The following DRAM1 variants were observed in gnomAD, a reference collection of about 807,000 sequenced individuals.
DRAM1 encodes the protein DNA damage-regulated autophagy modulator protein 1.
In DRAM1, 25 loss-of-function variants were observed where a neutral mutation model predicts 28.5. The observed-to-expected ratio is 0.88, with a 90% CI of 0.64 to 1.23. The LOEUF is 1.23. DRAM1 is among the 50% of genes most tolerant of loss of function. The pLI, the probability that DRAM1 is intolerant of heterozygous loss-of-function variation, is 0.00. For synonymous variants in DRAM1, 113 were observed against 114.2 expected, an observed-to-expected ratio of 0.99 and a Z score of 0.07; for missense variants, 249 against 299.2, an observed-to-expected ratio of 0.83 and a Z score of 1.24.
chr12:101,895,862 G>C (rs114289019), intron 1 of DRAM1, among the ~76,000 whole-genome samples: 2 of 151,738 alleles, frequency 1.3e-5, no homozygotes, highest in African/African-American at 2.4e-5. Context: ...GAACCACCGC[G>C]CCTGGTCGTA....
At chr12:101,916,141 A>C (rs1238774321) in intron 5 of DRAM1, among the ~76,000 whole-genome samples, 1 of 152,218 alleles carries the variant, frequency 6.6e-6, no homozygotes, top group Non-Finnish European at 1.5e-5. Context: ...AACAGGGATA[A>C]ATAATTTAGT....
chr12:101,899,363 T>C lies in DRAM1; in HGVS notation c.199+1433T>C, dbSNP rs555380657. Among the ~76,000 whole-genome samples the C allele has an allele frequency of 2.2e-4, 34 of 152,206 alleles. 1 individual carries two copies. The highest frequency in any genetic ancestry group is 7.2e-4 in the Admixed American group (11 of 15,276). ...TGAATAAAGCAGAAACTGACAAATA[T>C]ATTCATTTGAAATAGTCTATGTGAG... On this transcript the variant is annotated intron_variant, in intron 2 of 6. Transcript: ENST00000258534.
At chr12:101,920,257 A>C in intron 6 of DRAM1, 56 bp downstream of exon 6, 1 of 1,287,490 alleles carries the variant, frequency 7.8e-7, no homozygotes, top group Admixed American at 2.2e-5. Context: ...ATTAGTAAAA[A>C]TTTGCAGAAG....
intron 2 of DRAM1, among the ~76,000 whole-genome samples, chr12:101,900,716 T>A (rs7136688): frequency 0.51 from 77,454 of 151,526 alleles, 20,235 homozygotes; most frequent in East Asian, 0.63. Flanking sequence ...GGAGTCTAAA[T>A]CGTCAACGGG....
At chr12:101,881,776 C>A (rs1872694800) in intron 1 of DRAM1, among the ~76,000 whole-genome samples, 1 of 152,182 alleles carries the variant, frequency 6.6e-6, no homozygotes, top group East Asian at 1.9e-4. Flanking sequence ...AAAAATTGCA[C>A]CTGACCACTA....
At chr12:101,882,837 T>G (rs74579757) in intron 1 of DRAM1, among the ~76,000 whole-genome samples, 1 of 21,648 alleles carries the variant, frequency 4.6e-5, no homozygotes, top group African/African-American at 9.3e-4. Flanking sequence ...GCAACAGCCT[T>G]TTTTTTTTTT....
intron 4 of DRAM1, among the ~76,000 whole-genome samples, chr12:101,908,807 T>C (rs1873921465): frequency 6.6e-6 from 1 of 150,576 alleles, no homozygotes; most frequent in East Asian, 1.9e-4. Context: ...CTAGGAGAAG[T>C]TTCAGGGGCT....
At chr12:101,915,201 G>A (rs144783720) in intron 5 of DRAM1, among the ~76,000 whole-genome samples, 1,909 of 151,910 alleles carry the variant, frequency 0.013, 30 homozygotes, top group African/African-American at 0.044. Context: ...GGATGGTCTC[G>A]ATCTCCTGAC....
intron 1 of DRAM1, among the ~76,000 whole-genome samples, chr12:101,880,198 A>G (rs1256252356): frequency 6.6e-6 from 1 of 150,670 alleles, no homozygotes; most frequent in Non-Finnish European, 1.5e-5. Context: ...GTAGATAGGC[A>G]TGCACAACCA....
intron 3 of DRAM1, among the ~76,000 whole-genome samples, chr12:101,906,899 A>G (rs4764841): frequency 0.11 from 16,300 of 149,762 alleles, 969 homozygotes; most frequent in Middle Eastern, 0.18. Context: ...GAAGGGAGCC[A>G]AAGGTGAGGT....
intron 1 of DRAM1, among the ~76,000 whole-genome samples, chr12:101,886,687 T>A (rs1288686410): frequency 6.6e-6 from 1 of 152,258 alleles, no homozygotes; most frequent in Non-Finnish European, 1.5e-5. Flanking sequence ...AGGTACTTGC[T>A]TCTCTTACCC....
In DRAM1 at chr12:101,897,911, A is replaced by G; in HGVS notation, c.180A>G (p.Ile60Met). The change falls in exon 2 of 7, where the codon ATA becomes ATG. Residue 60 changes from isoleucine (I) to methionine (M), a missense_variant. Ile to Met is a conservative substitution (Grantham distance 10). Around this residue, in one of 3 missense-constraint regions of DRAM1, gnomAD observed 218 missense variants for 243.1 expected, o/e 0.90. Transcript: ENST00000258534. ...PPESGIFGFM[I>M]NFSAFLGAAT... ...AGAGTGGTATTTTTGGATTTATGAT[A>G]AACTTCTCTGCATTTCTTGGTAAGT... is the stretch of plus-strand genomic sequence containing the variant. 6.2e-7 allele frequency: 1 copy of G among 1,605,226 alleles called. No homozygotes were observed. The highest frequency in any genetic ancestry group is 8.5e-7 in the Non-Finnish European group (1 of 1,172,428).
chr12:101,903,946 C>T (rs1873695205), intron 3 of DRAM1, among the ~76,000 whole-genome samples: 1 of 146,720 alleles, frequency 6.8e-6, no homozygotes, highest in Non-Finnish European at 1.5e-5. Context: ...CACACACACA[C>T]ACACACACAC....
chr12:101,905,657 A>G (rs946743882), intron 3 of DRAM1, among the ~76,000 whole-genome samples: 1 of 152,144 alleles, frequency 6.6e-6, no homozygotes, highest in East Asian at 1.9e-4. Context: ...TGGTGCTATC[A>G]TAGCTCACTG....
chr12:101,912,788 C>T (rs1874093366), intron 4 of DRAM1, among the ~76,000 whole-genome samples: 1 of 146,324 alleles, frequency 6.8e-6, no homozygotes, highest in Admixed American at 7.0e-5. Flanking sequence ...GGTTGGAGTG[C>T]AGTGGTGCAA....
intron 3 of DRAM1, chr12:101,901,679 A>T: frequency 2.3e-6 from 1 of 428,278 alleles, no homozygotes; most frequent in Non-Finnish European, 4.2e-6. Flanking sequence ...CAGGAGTTCA[A>T]GACCAGTCTG....
chr12:101,891,559 G>A (rs1873126842), intron 1 of DRAM1, among the ~76,000 whole-genome samples: 1 of 152,188 alleles, frequency 6.6e-6, no homozygotes, highest in South Asian at 2.1e-4. Context: ...CAAACGACTT[G>A]GAATTTTCCA....
chr12:101,887,552 A>G (rs28561086), intron 1 of DRAM1, among the ~76,000 whole-genome samples: 2,437 of 148,408 alleles, frequency 0.016, 65 homozygotes, highest in African/African-American at 0.058. Context: ...TTTTTTTGAG[A>G]CGAAGTCTCA....
intron 2 of DRAM1, among the ~76,000 whole-genome samples, chr12:101,900,060 G>T (rs890167056): frequency 6.6e-6 from 1 of 152,192 alleles, no homozygotes; most frequent in Non-Finnish European, 1.5e-5. Flanking sequence ...TAGGGTTTGT[G>T]CTTGTTTATG....
Sources: allele counts gnomAD v4.1 joint callset (sites outside exome capture counted in the v4.1 genomes callset), GRCh38; gene constraint gnomAD v4.1.1; regional missense constraint gnomAD v4.1.1; transcripts MANE v1.5; gene names NCBI Gene and HGNC (gene_info 2026-07-23, HGNC 2026-07-21).